CNOT4: variants seen among roughly 807,000 people sequenced by gnomAD.
CNOT4 encodes the protein CCR4-associated factor 4.
In CNOT4, 8 loss-of-function variants were observed where a neutral mutation model predicts 73.8. The ratio of observed to expected loss-of-function variants is 0.11; its 90% confidence interval spans 0.06 to 0.20. The LOEUF (loss-of-function observed/expected upper bound fraction) is 0.20. Among genes scored for constraint, CNOT4 ranks in the 10% least tolerant of loss-of-function variants. The pLI is 1.00. For synonymous variants in CNOT4, 293 were observed against 321.1 expected (o/e 0.91, Z 0.94); for missense variants, 564 against 883.4 (o/e 0.64, Z 4.58).
intron 4 of CNOT4, 63 bp downstream of exon 4, chr7:135,415,113 G>T: frequency 3.2e-6 from 3 of 943,760 alleles, no homozygotes; most frequent in Non-Finnish European, 5.1e-6. Flanking sequence ...AGTTTCCTTT[G>T]GAACAGCCCA....
At position 135,500,507 on chromosome 7, in the gene CNOT4, A is replaced by G. The variant is rs143889054; in HGVS notation, c.-93+9382T>C. On this transcript the variant is annotated intron_variant, in intron 1 of 11. Transcript: ENST00000541284. ...TCAAAGTTCACAGAACTTAAAAAAA[A>G]AATTCCAACCAAAACATATACGGCT... Among the ~76,000 whole-genome samples the G allele has an allele frequency of 5.5e-3, 832 of 152,350 alleles. 7 individuals carry two copies. Among genetic ancestry groups the G allele is most frequent in the African/African-American group, 0.019 (772 of 41,566 alleles).
At chr7:135,476,117 T>C (rs936396986) in intron 1 of CNOT4, among the ~76,000 whole-genome samples, 1 of 152,130 alleles carries the variant, frequency 6.6e-6, no homozygotes, top group African/African-American at 2.4e-5. Flanking sequence ...AGTAAAAAGA[T>C]ACATCACTAC....
chr7:135,444,144 AAATAATAAT>A (rs140965410), intron 1 of CNOT4, among the ~76,000 whole-genome samples: 11,472 of 149,488 alleles, frequency 0.077, 592 homozygotes, highest in East Asian at 0.15. Context: ...CTGTTTCAAA[AAATAATAAT>A]AATAATAATA....
intron 10 of CNOT4, among the ~76,000 whole-genome samples, chr7:135,377,167 A>G (rs1795566414): frequency 6.6e-6 from 1 of 152,250 alleles, no homozygotes; most frequent in Non-Finnish European, 1.5e-5. Context: ...GCTATGTAAA[A>G]TGTGTGATTA....
At chr7:135,463,265 C>T (rs982418088) in intron 1 of CNOT4, among the ~76,000 whole-genome samples, 3 of 152,114 alleles carry the variant, frequency 2.0e-5, no homozygotes, top group African/African-American at 4.8e-5. Context: ...AGACCGGGCA[C>T]GGTGGCTCAT....
At position 135,468,367 on chromosome 7, in the gene CNOT4, T is replaced by C. The variant is rs117909318; in HGVS notation, c.-92-29944A>G. Among the ~76,000 whole-genome samples, 1,246 of 152,176 alleles carry C rather than the reference T, an allele frequency of 8.2e-3. 7 individuals are homozygous for C. Among genetic ancestry groups the C allele is most frequent in the Middle Eastern group, 0.031 (9 of 294 alleles). On this transcript the variant is annotated intron_variant, in intron 1 of 11. Coordinates refer to ENST00000541284, the MANE Select transcript of CNOT4 (RefSeq NM_001190850.2). Reference sequence around the variant, plus strand: ...CATTTCCCCACTCTCAGATAAGCCATGAAGAACTCTACCAAAAATTTCACA... The same window carrying C: ...CATTTCCCCACTCTCAGATAAGCCACGAAGAACTCTACCAAAAATTTCACA...
At chr7:135,396,214 T>C (rs1342916212) in intron 8 of CNOT4, among the ~76,000 whole-genome samples, 1 of 139,122 alleles carries the variant, frequency 7.2e-6, no homozygotes, top group African/African-American at 2.8e-5. Context: ...GCCTCCGGGG[T>C]TCAAGCAATT....
At chr7:135,509,837 C>G (rs1585756007) in intron 1 of CNOT4, 52 bp downstream of exon 1, 3 of 390,370 alleles carry the variant, frequency 7.7e-6, no homozygotes, top group African/African-American at 2.1e-5. Flanking sequence ...TCCGCTCTCT[C>G]GTAGCCGGTC....
At chr7:135,427,992 C>G (rs1042280743) in intron 2 of CNOT4, among the ~76,000 whole-genome samples, 1 of 152,082 alleles carries the variant, frequency 6.6e-6, no homozygotes, top group African/African-American at 2.4e-5. Flanking sequence ...CACCTCCAAA[C>G]GGTGGGCTCA....
chr7:135,369,318 C>T (rs912418528), intron 10 of CNOT4, among the ~76,000 whole-genome samples: 4 of 152,042 alleles, frequency 2.6e-5, no homozygotes, highest in Non-Finnish European at 4.4e-5. Flanking sequence ...GATATTGTGC[C>T]GTCTTGGAAT....
At chr7:135,417,252 G>A (rs1229532724) in intron 3 of CNOT4, among the ~76,000 whole-genome samples, 1 of 152,178 alleles carries the variant, frequency 6.6e-6, no homozygotes, top group African/African-American at 2.4e-5. Flanking sequence ...AGGCAGGGCT[G>A]AAGAGTTTGC....
intron 10 of CNOT4, chr7:135,386,427 C>A (rs1308077359): frequency 6.6e-6 from 1 of 152,040 alleles, no homozygotes; most frequent in African/African-American, 2.4e-5. Context: ...ACAAAAAAAA[C>A]CTGAAGCTTT....
chr7:135,398,713 A>AG (rs1378420856), intron 7 of CNOT4, among the ~76,000 whole-genome samples: 2 of 152,052 alleles, frequency 1.3e-5, no homozygotes, highest in Admixed American at 6.6e-5. Flanking sequence ...AATAGCTTAT[A>AG]GGGGGAAAAA....
intron 1 of CNOT4, among the ~76,000 whole-genome samples, chr7:135,447,309 A>G (rs146682654): frequency 4.3e-4 from 65 of 152,334 alleles, no homozygotes; most frequent in Non-Finnish European, 6.0e-4. Context: ...CTAATACTTA[A>G]TTTCCCCTTT....
At chr7:135,372,288 C>T (rs532522704) in intron 10 of CNOT4, among the ~76,000 whole-genome samples, 4 of 152,238 alleles carry the variant, frequency 2.6e-5, no homozygotes, top group East Asian at 1.9e-4. Flanking sequence ...CCTAGGAGGA[C>T]GTGACATAAT....
chr7:135,449,473 C>T (rs1800034492), intron 1 of CNOT4, among the ~76,000 whole-genome samples: 1 of 152,022 alleles, frequency 6.6e-6, no homozygotes, highest in African/African-American at 2.4e-5. Flanking sequence ...TACAACATAC[C>T]CAAATGTGAT....
At chr7:135,410,753 A>C (rs1252145802) in intron 6 of CNOT4, 105 bp from the exon 7 acceptor site, 1 of 653,260 alleles carries the variant, frequency 1.5e-6, no homozygotes, top group African/African-American at 2.5e-5. Flanking sequence ...TAAAATAAAT[A>C]ATATTTTTAA....
intron 1 of CNOT4, among the ~76,000 whole-genome samples, chr7:135,454,821 T>C (rs1445181148): frequency 6.6e-6 from 1 of 151,350 alleles, no homozygotes; most frequent in African/African-American, 2.4e-5. Flanking sequence ...GAAGAGGAGG[T>C]TGTAGTGAGC....
chr7:135,459,748 G>A (rs1312906153), intron 1 of CNOT4, among the ~76,000 whole-genome samples: 2 of 152,134 alleles, frequency 1.3e-5, no homozygotes, highest in Non-Finnish European at 2.9e-5. Context: ...AGTCTCCAGC[G>A]GCATTAACCC....
Sources: allele counts gnomAD v4.1 joint callset (sites outside exome capture counted in the v4.1 genomes callset), GRCh38; gene constraint gnomAD v4.1.1; transcripts MANE v1.5; gene names NCBI Gene and HGNC (gene_info 2026-07-23, HGNC 2026-07-21).